The following SYNJ1 variants were observed in gnomAD, a reference collection of about 807,000 sequenced individuals.
SYNJ1 encodes the protein synaptojanin 1, also known as polyphosphatidylinositol phosphatase SYNJ1.
Under a neutral mutation model 168.2 loss-of-function variants are expected in SYNJ1, and 78 were observed. That is an observed-to-expected ratio of 0.46 (90% CI 0.39 to 0.56). SYNJ1 has a LOEUF of 0.56. Ranked by LOEUF, SYNJ1 falls within the 20% of genes least tolerant of loss-of-function variation. The probability of loss-of-function intolerance (pLI) is 0.00; values close to 1 mark genes in which losing one functional copy is unlikely to be tolerated. For missense variants in SYNJ1, 1,303 were observed against 1,597.6 expected, an observed-to-expected ratio of 0.82 and a Z score of 3.14; for synonymous variants, 539 against 548.6, an observed-to-expected ratio of 0.98 and a Z score of 0.24.
chr21:32,686,005 CAAT>C, intron 8 of SYNJ1, 88 bp from the exon 9 acceptor site: 1 of 1,374,056 alleles, frequency 7.3e-7, no homozygotes, highest in South Asian at 1.4e-5. Context: ...TTGACACTGG[CAAT>C]AAATCTTTTC....
At chr21:32,700,624 C>G (rs2042365887) in intron 3 of SYNJ1, among the ~76,000 whole-genome samples, 1 of 152,112 alleles carries the variant, frequency 6.6e-6, no homozygotes, top group African/African-American at 2.4e-5. Context: ...CATTGCACTC[C>G]AGCCTGGGCA....
At chr21:32,718,283 A>C (rs765174787) in intron 2 of SYNJ1, among the ~76,000 whole-genome samples, 1 of 152,216 alleles carries the variant, frequency 6.6e-6, no homozygotes, top group African/African-American at 2.4e-5. Flanking sequence ...AAATGAAAGC[A>C]CTTAAGAACT....
intron 31 of SYNJ1, among the ~76,000 whole-genome samples, chr21:32,635,668 T>A (rs1224304315): frequency 6.6e-6 from 1 of 152,172 alleles, no homozygotes; most frequent in Non-Finnish European, 1.5e-5. Context: ...ATGGTACCAT[T>A]TTTGGTACAT....
intron 14 of SYNJ1, 95 bp downstream of exon 14, chr21:32,673,245 C>A: frequency 1.8e-6 from 2 of 1,087,372 alleles, no homozygotes; most frequent in East Asian, 2.8e-5. Context: ...TTTCTTTCAT[C>A]AATTAATGCA....
rs148380629 is a variant in SYNJ1 at position 32,649,901 on chromosome 21, C to T, written c.3037+283G>A. On this transcript the variant is annotated intron_variant, in intron 23 of 32. Transcript: ENST00000674351. Reference sequence around the variant, plus strand: ...AGTAGCTGGGATTACAGGCATGCACCACCACGCCCAGCTAAATTTTGTACT... The same window carrying T: ...AGTAGCTGGGATTACAGGCATGCACTACCACGCCCAGCTAAATTTTGTACT... 1.7e-3 allele frequency among the ~76,000 whole-genome samples: 261 copies of T among 152,184 alleles called. 1 individual carries two copies. The highest frequency in any genetic ancestry group is 4.9e-3 in the African/African-American group (203 of 41,504).
At chr21:32,678,427 G>T (rs2146022562) in intron 12 of SYNJ1, among the ~76,000 whole-genome samples, 1 of 152,210 alleles carries the variant, frequency 6.6e-6, no homozygotes, top group East Asian at 1.9e-4. Context: ...AAGAAACCAT[G>T]CAAGGGCCTC....
intron 4 of SYNJ1, among the ~76,000 whole-genome samples, chr21:32,697,049 T>C (rs773797796): frequency 2.0e-5 from 3 of 152,222 alleles, no homozygotes; most frequent in Non-Finnish European, 1.5e-5. Context: ...CTTGTCCTCA[T>C]TTAAATAGAC....
chr21:32,681,849 A>G (rs2041637324), intron 10 of SYNJ1, among the ~76,000 whole-genome samples: 1 of 152,216 alleles, frequency 6.6e-6, no homozygotes, highest in South Asian at 2.1e-4. Flanking sequence ...AATGGAAACT[A>G]CAAGTATTGA....
At chr21:32,695,999 A>G (rs970057647) in intron 4 of SYNJ1, among the ~76,000 whole-genome samples, 1 of 151,868 alleles carries the variant, frequency 6.6e-6, no homozygotes, top group Non-Finnish European at 1.5e-5. Flanking sequence ...GGCGCCCACC[A>G]CCATGCTTGG....
chr21:32,632,746 G>A (rs1037023583), intron 32 of SYNJ1, among the ~76,000 whole-genome samples: 2 of 152,154 alleles, frequency 1.3e-5, no homozygotes, highest in African/African-American at 2.4e-5. Context: ...GAGGCTGGGC[G>A]CGGTGGCTCA....
chr21:32,727,200 C>T (rs948756078), intron 1 of SYNJ1, among the ~76,000 whole-genome samples: 2 of 152,136 alleles, frequency 1.3e-5, no homozygotes, highest in Non-Finnish European at 2.9e-5. Flanking sequence ...TTAATTTATG[C>T]TTACTGAAAG....
At chr21:32,701,544 C>CAA (rs113945632) in intron 3 of SYNJ1, among the ~76,000 whole-genome samples, 12 of 105,162 alleles carry the variant, frequency 1.1e-4, no homozygotes, top group African/African-American at 4.2e-4. Flanking sequence ...CATTACGTGG[C>CAA]AAAAAAAAAA....
At chr21:32,683,202 TAA>T (rs903777704) in intron 10 of SYNJ1, among the ~76,000 whole-genome samples, 2 of 152,120 alleles carry the variant, frequency 1.3e-5, no homozygotes, top group Non-Finnish European at 2.9e-5. Context: ...CTGATGGAAC[TAA>T]ACGAAGTTTA....
intron 1 of SYNJ1, 22 bp downstream of exon 1, chr21:32,727,917 AGCTCCCC>A (rs1231720515): frequency 3.9e-6 from 6 of 1,531,416 alleles, no homozygotes; most frequent in Non-Finnish European, 5.2e-6. Context: ...TGGCCGCAGC[AGCTCCCC>A]GCCCCCCGCC....
chr21:32,716,798 C>T (rs1327572912), intron 2 of SYNJ1, among the ~76,000 whole-genome samples: 1 of 152,192 alleles, frequency 6.6e-6, no homozygotes, highest in Admixed American at 6.5e-5. Context: ...AGTCGTCCTG[C>T]AGTTCACTGA....
chr21:32,648,872 A>C (rs556624943), intron 23 of SYNJ1, among the ~76,000 whole-genome samples: 2 of 151,780 alleles, frequency 1.3e-5, no homozygotes, highest in Non-Finnish European at 2.9e-5. Flanking sequence ...TCCCACACCT[A>C]CTTCTCTCTC....
chr21:32,716,824 T>A (rs965010438), intron 2 of SYNJ1, among the ~76,000 whole-genome samples: 2 of 152,202 alleles, frequency 1.3e-5, no homozygotes, highest in East Asian at 1.9e-4. Context: ...TGTGTATTTA[T>A]TTATTTTAGC....
intron 19 of SYNJ1, among the ~76,000 whole-genome samples, chr21:32,657,365 C>A (rs2040500085): frequency 6.6e-6 from 1 of 152,138 alleles, no homozygotes; most frequent in African/African-American, 2.4e-5. Context: ...ACTTAAAGGA[C>A]TGGGACTAAA....
chr21:32,632,697 T>C (rs1434077467), intron 32 of SYNJ1, among the ~76,000 whole-genome samples: 1 of 152,194 alleles, frequency 6.6e-6, no homozygotes, highest in Admixed American at 6.5e-5. Flanking sequence ...AGCTGACTTT[T>C]AATGTAAGCT....
Sources: gnomAD v4.1 joint callset for allele counts (sites outside exome capture counted in the v4.1 genomes callset) on GRCh38, gnomAD v4.1.1 for gene constraint, MANE v1.5 for transcripts, NCBI Gene and HGNC (gene_info 2026-07-23, HGNC 2026-07-21) for gene names.